The following NUP107 variants were observed in gnomAD, a reference collection of about 807,000 sequenced individuals.
The protein encoded by NUP107 is nucleoporin 107.
NUP107 carries 101 observed loss-of-function variants against 141.0 expected under a neutral mutation model. That is an observed-to-expected ratio of 0.72 (90% CI 0.61 to 0.84). The LOEUF is 0.84. Ranked by LOEUF, NUP107 falls within the 40% of genes least tolerant of loss-of-function variation. The pLI, the probability that NUP107 is intolerant of heterozygous loss-of-function variation, is 0.00. For synonymous variants in NUP107, 319 were observed against 363.9 expected, an observed-to-expected ratio of 0.88 and a Z score of 1.41; for missense variants, 941 against 1,102.7, an observed-to-expected ratio of 0.85 and a Z score of 2.08.
At chr12:68,709,133 A>T in intron 8 of NUP107, 105 bp from the exon 9 acceptor site, 2 of 732,216 alleles carry the variant, frequency 2.7e-6, no homozygotes, top group Non-Finnish European at 4.6e-6. Context: ...ATAGATGATT[A>T]ACTGTACTTG....
At chr12:68,702,678 CA>C (rs1376035998) in intron 7 of NUP107, 57 bp from the exon 8 acceptor site, 1 of 1,207,104 alleles carries the variant, frequency 8.3e-7, no homozygotes, top group Non-Finnish European at 1.2e-6. Flanking sequence ...TGCTCAGTGG[CA>C]AGTTCATTAT....
At chr12:68,707,209 G>A in intron 8 of NUP107, 1 of 406,226 alleles carries the variant, frequency 2.5e-6, no homozygotes, top group Non-Finnish European at 4.4e-6. Flanking sequence ...GGAGTTTACT[G>A]CCTGGGGTAC....
chr12:68,696,749 A>T (rs958249716), intron 5 of NUP107, 70 bp from the exon 6 acceptor site: 25 of 821,662 alleles, frequency 3.0e-5, no homozygotes, highest in Middle Eastern at 3.0e-4. Context: ...ATTTTCAAAC[A>T]AACGGAATTA....
intron 8 of NUP107, chr12:68,706,919 C>A: frequency 2.8e-6 from 2 of 715,824 alleles, no homozygotes; most frequent in Non-Finnish European, 5.1e-6. Flanking sequence ...CCTCATAAGC[C>A]CTGGCCTCAG....
chr12:68,689,713 C>T (rs557458017), intron 3 of NUP107, 94 bp downstream of exon 3: 49 of 798,698 alleles, frequency 6.1e-5, no homozygotes, highest in African/African-American at 5.7e-4. Context: ...TATTTGGTTA[C>T]GATATCAATA....
intron 26 of NUP107, among the ~76,000 whole-genome samples, chr12:68,739,561 GGC>G (rs1329089690): frequency 6.6e-6 from 1 of 152,226 alleles, no homozygotes; most frequent in Non-Finnish European, 1.5e-5. Flanking sequence ...TACATGGGGG[GGC>G]GCGGTGGCTC....
In NUP107 at chr12:68,702,729, TC is replaced by T; in HGVS notation, c.681-3del. On this transcript the variant is annotated splice_polypyrimidine_tract_variant and splice_region_variant and intron_variant, in intron 7 of 27. Coordinates refer to ENST00000229179, the MANE Select transcript of NUP107 (RefSeq NM_020401.4). ...AGGCTTTTTTATTTTGTCTTATTTT[TC>T]CCCAGAGACAGAATACAGTCTGCAT... is the stretch of plus-strand genomic sequence containing the variant. The T allele has an allele frequency of 6.5e-7, 1 of 1,530,638 alleles. No individual in the cohort carries two copies. The highest frequency in any genetic ancestry group is 8.8e-7 in the Non-Finnish European group (1 of 1,136,598). 94.8% of individuals were successfully genotyped at this position (1,530,638 alleles called of 1,614,324 possible). A position where few individuals can be genotyped will look rare whatever the true frequency, so the allele number is the denominator to read the frequency against.
rs921415378 is a variant in NUP107 at position 68,687,725 on chromosome 12, A to G, written c.8+652A>G. On this transcript the variant is annotated intron_variant, in intron 1 of 27. Transcript: ENST00000229179. Reference sequence around the variant, plus strand: ...GTACTCCAAACATTGAGTACCTACTATGTGACTGCCATTGTTCTAAAGGCG... The same window carrying G: ...GTACTCCAAACATTGAGTACCTACTGTGTGACTGCCATTGTTCTAAAGGCG... The G allele has an allele frequency of 1.8e-5, 15 of 826,800 alleles. No individual in the cohort carries two copies. In the South Asian group the frequency reaches 3.9e-4, roughly 21 times the overall value. The allele number at this position is 826,800 out of a possible 1,614,324, so 51.2% of individuals were successfully genotyped here.
At chr12:68,715,765 C>A in intron 12 of NUP107, 25 bp downstream of exon 12, 1 of 1,431,216 alleles carries the variant, frequency 7.0e-7, no homozygotes, top group Non-Finnish European at 9.8e-7. Flanking sequence ...CCCTTCTTGT[C>A]TAATTTCAAA....
At chr12:68,732,795 T>G (rs1592521202) in intron 23 of NUP107, 56 bp downstream of exon 23, 1 of 1,199,138 alleles carries the variant, frequency 8.3e-7, no homozygotes, top group East Asian at 2.5e-5. Flanking sequence ...TCTTCCTACC[T>G]CAGCCTCCCA....
At chr12:68,726,677 A>G in intron 19 of NUP107, 60 bp downstream of exon 19, 1 of 991,546 alleles carries the variant, frequency 1.0e-6, no homozygotes, top group East Asian at 2.4e-5. Context: ...ACCTATTGTC[A>G]AGAAAACACT....
rs144816833 is a variant in NUP107 at position 68,696,176 on chromosome 12, T to C, written c.449-643T>C. ...GTCAGGAAATCAAGACCATCCTGGCTAACACAGTGAAACCTCGTCTCTACT... is the reference window on the plus strand; with the variant it reads ...GTCAGGAAATCAAGACCATCCTGGCCAACACAGTGAAACCTCGTCTCTACT... On this transcript the variant is annotated intron_variant, in intron 5 of 27. Transcript: ENST00000229179. 9.1e-3 allele frequency among the ~76,000 whole-genome samples: 1,373 copies of C among 150,438 alleles called. 11 individuals carry two copies. Among genetic ancestry groups the C allele is most frequent in the Non-Finnish European group, 0.013 (857 of 67,698 alleles).
In NUP107 at chr12:68,731,601, A is replaced by T; in HGVS notation, c.1886-6A>T. 6.6e-7 allele frequency: 1 copy of T among 1,511,666 alleles called. No individual in the cohort carries two copies. The highest frequency in any genetic ancestry group is 8.9e-7 in the Non-Finnish European group (1 of 1,125,952). 93.6% of individuals were successfully genotyped at this position (1,511,666 alleles called of 1,614,324 possible). On this transcript the variant is annotated splice_region_variant and splice_polypyrimidine_tract_variant and intron_variant, in intron 21 of 27. Transcript: ENST00000229179. ...TTGTTTTTTGTCGCTTCAAAAAATTATTTAGATTTGGATGTTGCAACAATA... is the reference window on the plus strand; with the variant it reads ...TTGTTTTTTGTCGCTTCAAAAAATTTTTTAGATTTGGATGTTGCAACAATA...
At chr12:68,735,659 C>T (rs1293384644) in intron 26 of NUP107, among the ~76,000 whole-genome samples, 1 of 152,170 alleles carries the variant, frequency 6.6e-6, no homozygotes. Flanking sequence ...CGAGTAGTAT[C>T]AGTAAGGCAT....
At chr12:68,725,016 A>T (rs1430015101) in intron 17 of NUP107, among the ~76,000 whole-genome samples, 2 of 152,174 alleles carry the variant, frequency 1.3e-5, no homozygotes, top group Non-Finnish European at 2.9e-5. Flanking sequence ...TGGTTTATTT[A>T]AATAAATGGC....
intron 8 of NUP107, chr12:68,705,867 G>A: frequency 1.2e-6 from 1 of 801,944 alleles, no homozygotes; most frequent in Non-Finnish European, 2.3e-6. Flanking sequence ...CCCTTAACCT[G>A]GAGGTGGACC....
In NUP107 at chr12:68,741,967, A is replaced by G. The variant is rs762419876; in HGVS notation, c.2657A>G (p.His886Arg). The change falls in exon 27 of 28, where the codon CAC (histidine) becomes CGC (arginine). Residue 886 changes from histidine to arginine, a missense_variant. Physicochemically the swap from His to Arg is conservative, Grantham distance 29. Transcript: ENST00000229179. ...QLADMVSSER[H>R]KLYLVFSKEE... ...GCAGATATGGTATCCTCTGAGCGCC[A>G]CAAACTGTACCTGGTAAGTTCTAGA... 4 of 1,604,896 alleles carry G rather than the reference A, an allele frequency of 2.5e-6. No individual in the cohort carries two copies. In the East Asian group the frequency reaches 8.9e-5, roughly 36 times the overall value.
Position 68,742,357 on chromosome 12 carries a change from A to AT in NUP107, c.2677dup (p.Ser893PhefsTer2). On this transcript the variant is annotated frameshift_variant, in exon 28 of 28. Coordinates refer to ENST00000229179, the MANE Select transcript of NUP107 (RefSeq NM_020401.4). LOFTEE classifies it high-confidence loss of function. Reference sequence around the variant, plus strand: ...TTATTTCTCTTTTTAAAAATCAGGTATTTTCTAAGGAAGAGCTAAGGAAGT... The same window carrying AT: ...TTATTTCTCTTTTTAAAAATCAGGTATTTTTCTAAGGAAGAGCTAAGGAAGT... 6.3e-7 allele frequency: 1 copy of AT among 1,591,724 alleles called. No individual in the cohort carries two copies. Among genetic ancestry groups the AT allele is most frequent in the Non-Finnish European group, 8.6e-7 (1 of 1,161,878 alleles).
At chr12:68,692,192 C>A in intron 5 of NUP107, 80 bp downstream of exon 5, 2 of 1,321,210 alleles carry the variant, frequency 1.5e-6, no homozygotes, top group Non-Finnish European at 2.0e-6. Flanking sequence ...TGTTTCTGAA[C>A]GTCATTATGT....
Sources: gnomAD v4.1 joint callset for allele counts (sites outside exome capture counted in the v4.1 genomes callset) on GRCh38, gnomAD v4.1.1 for gene constraint, MANE v1.5 for transcripts, NCBI Gene and HGNC (gene_info 2026-07-23, HGNC 2026-07-21) for gene names.